Variants in MALRD1 observed in about 807,000 individuals in gnomAD.
MALRD1 encodes the protein MAM and LDL-receptor class A domain-containing protein 1.
Under a neutral mutation model 242.1 loss-of-function variants are expected in MALRD1, and 247 were observed. That is an observed-to-expected ratio of 1.02 (90% CI 0.92 to 1.13). MALRD1 has a LOEUF of 1.13. MALRD1 is among the 50% of genes most tolerant of loss of function. The pLI is 0.00. For missense variants in MALRD1, 2,989 were observed against 2,533.1 expected (o/e 1.18, Z -3.86); for synonymous variants, 995 against 866.6 (o/e 1.15, Z -2.60).
chr10:19,047,769 T>C (rs962958544), upstream of MALRD1, among the ~76,000 whole-genome samples: 1 of 152,130 alleles, frequency 6.6e-6, no homozygotes, highest in African/African-American at 2.4e-5. Flanking sequence ...AAAATGTATG[T>C]ATATACTTTT....
intron 38 of MALRD1, among the ~76,000 whole-genome samples, chr10:19,716,182 C>T (rs1834377126): frequency 6.6e-6 from 1 of 152,222 alleles, no homozygotes; most frequent in African/African-American, 2.4e-5. Flanking sequence ...TTCAACCTCA[C>T]ACAGATACGT....
chr10:19,249,837 G>A (rs940436203), intron 18 of MALRD1, among the ~76,000 whole-genome samples: 4 of 151,706 alleles, frequency 2.6e-5, no homozygotes, highest in South Asian at 2.1e-4. Context: ...GACAAATATG[G>A]GTTAGTTAAG....
At chr10:19,347,608 G>T (rs891443910) in intron 24 of MALRD1, among the ~76,000 whole-genome samples, 163 bp from the exon 25 acceptor site, 9 of 152,152 alleles carry the variant, frequency 5.9e-5, no homozygotes, top group Non-Finnish European at 1.3e-4. Context: ...ATAGCTGTGT[G>T]TATCGCAAAC....
At chr10:19,394,081 G>A (rs528984132) in intron 28 of MALRD1, among the ~76,000 whole-genome samples, 1 of 152,260 alleles carries the variant, frequency 6.6e-6, no homozygotes, top group East Asian at 1.9e-4. Context: ...CCATTATGCA[G>A]TCATGATAGA....
intron 38 of MALRD1, among the ~76,000 whole-genome samples, chr10:19,693,757 C>T (rs1191024355): frequency 5.3e-5 from 8 of 152,034 alleles, no homozygotes; most frequent in South Asian, 2.1e-4. Flanking sequence ...AAAAAGAGCC[C>T]GCATTGCCAA....
intron 31 of MALRD1, among the ~76,000 whole-genome samples, chr10:19,514,496 G>T (rs1399688243): frequency 1.3e-5 from 2 of 152,072 alleles, no homozygotes; most frequent in Non-Finnish European, 2.9e-5. Context: ...AACGTCAAAA[G>T]ATCCTAATTT....
intron 24 of MALRD1, 82 bp from the exon 25 acceptor site, chr10:19,347,689 A>T: frequency 1.4e-6 from 2 of 1,428,088 alleles, no homozygotes; most frequent in Non-Finnish European, 1.9e-6. Flanking sequence ...TGATACAGCA[A>T]GATCACTGCA....
chr10:19,318,516 G>GT (rs573909164), intron 21 of MALRD1, among the ~76,000 whole-genome samples: 2,977 of 143,224 alleles, frequency 0.021, 45 homozygotes, highest in South Asian at 0.056. Flanking sequence ...TTACCTTAGG[G>GT]TTTTTTTTTT....
chr10:19,692,568 T>A lies in MALRD1; in HGVS notation c.6314+14T>A. On this transcript the variant is annotated intron_variant, in intron 38 of 39. Coordinates refer to ENST00000454679, the MANE Select transcript of MALRD1 (RefSeq NM_001142308.3). ...GGTACCAATAAGGTAAGTGATGCCT[T>A]TAGTTGCTAAATGAAATATACCGTA... is the stretch of plus-strand genomic sequence containing the variant. The A allele has an allele frequency of 6.6e-7, 1 of 1,521,640 alleles. No homozygotes were observed. Among genetic ancestry groups the A allele is most frequent in the Non-Finnish European group, 8.8e-7 (1 of 1,136,288 alleles). 94.3% of individuals were successfully genotyped at this position (1,521,640 alleles called of 1,614,324 possible).
Position 19,244,915 on chromosome 10 carries a change from C to A in MALRD1, c.2992-12769C>A, listed in dbSNP as rs1169522951. Among the ~76,000 whole-genome samples, 4 of 152,108 alleles carry A rather than the reference C, an allele frequency of 2.6e-5. No homozygotes were observed. The East Asian group carries it at 7.7e-4, about 29-fold the overall frequency. ...TTGTCAGGTGGTTGCTTCTCTGCAC[C>A]TCCCGTAGGTGGCCAGTGAACTAAG... On this transcript the variant is annotated intron_variant, in intron 18 of 39. Coordinates refer to ENST00000454679, the MANE Select transcript of MALRD1 (RefSeq NM_001142308.3).
At chr10:19,322,620 C>G (rs554667008) in intron 21 of MALRD1, among the ~76,000 whole-genome samples, 65 of 152,144 alleles carry the variant, frequency 4.3e-4, no homozygotes, top group African/African-American at 1.4e-3. Flanking sequence ...AATGAGGAGG[C>G]CTGAGGCCAA....
chr10:19,238,371 A>ATTATACATAATATTATATATG (rs1838522277), intron 18 of MALRD1, among the ~76,000 whole-genome samples: 2 of 82,200 alleles, frequency 2.4e-5, no homozygotes, highest in African/African-American at 1.0e-4. Flanking sequence ...CATAATATAT[A>ATTATACATAATATTATATATG]TTATACATAA....
chr10:19,658,855 A>G (rs1036395554), intron 36 of MALRD1, among the ~76,000 whole-genome samples: 7 of 152,184 alleles, frequency 4.6e-5, no homozygotes, highest in Admixed American at 4.6e-4. Context: ...ACCTCAGACA[A>G]TAGTCATTGC....
chr10:19,254,543 AATAT>A (rs1437074560), intron 18 of MALRD1, among the ~76,000 whole-genome samples: 1 of 152,028 alleles, frequency 6.6e-6, no homozygotes, highest in African/African-American at 2.4e-5. Flanking sequence ...TAGTTGTATT[AATAT>A]GGCTGTGCCA....
intron 14 of MALRD1, among the ~76,000 whole-genome samples, chr10:19,200,493 C>G (rs1836470611): frequency 6.6e-6 from 1 of 152,152 alleles, no homozygotes; most frequent in Non-Finnish European, 1.5e-5. Flanking sequence ...CCAGCTCAGA[C>G]TTCAGACTTC....
chr10:19,256,201 A>G (rs1264054797), intron 18 of MALRD1, among the ~76,000 whole-genome samples: 3 of 152,028 alleles, frequency 2.0e-5, no homozygotes, highest in South Asian at 4.1e-4. Flanking sequence ...ATTTGTTAGC[A>G]TGTTCTGTGT....
chr10:19,282,980 C>CT lies in MALRD1; in HGVS notation c.3257-37dup, dbSNP rs1840889768. On this transcript the variant is annotated intron_variant, in intron 20 of 39. Transcript: ENST00000454679. ...AAGATTGTACAGATAGAAACTGCCA[C>CT]TTACTAGCTCACCTTTTCTTTGTTC... 9 of 1,443,192 alleles carry CT rather than the reference C, an allele frequency of 6.2e-6. No individual in the cohort carries two copies. In the East Asian group the frequency reaches 1.8e-4, roughly 29 times the overall value. The allele number at this position is 1,443,192 out of a possible 1,614,324, so 89.4% of individuals were successfully genotyped here.
At chr10:19,228,961 C>T (rs1045618552) in intron 18 of MALRD1, among the ~76,000 whole-genome samples, 1 of 143,142 alleles carries the variant, frequency 7.0e-6, no homozygotes. Context: ...CAAAAAAAGG[C>T]CTGTATGGGG....
chr10:19,266,699 G>A (rs1033744907), intron 19 of MALRD1, among the ~76,000 whole-genome samples: 5 of 151,852 alleles, frequency 3.3e-5, no homozygotes, highest in Non-Finnish European at 7.4e-5. Context: ...TAATGGATAT[G>A]CAATATGTAA....
Sources: gnomAD v4.1 joint callset for allele counts (sites outside exome capture counted in the v4.1 genomes callset) on GRCh38, gnomAD v4.1.1 for gene constraint, MANE v1.5 for transcripts, NCBI Gene and HGNC (gene_info 2026-07-23, HGNC 2026-07-21) for gene names.